HOPX: variants seen among roughly 807,000 people sequenced by gnomAD.
The protein encoded by HOPX is HOP homeobox.
Under a neutral mutation model 11.8 loss-of-function variants are expected in HOPX, and 5 were observed. The ratio of observed to expected loss-of-function variants is 0.43; its 90% CI spans 0.22 to 0.89. HOPX has a LOEUF of 0.89. HOPX is among the 40% of genes least tolerant of loss of function. HOPX has a pLI of 0.28. For synonymous variants in HOPX, 49 were observed against 49.7 expected, an observed-to-expected ratio of 0.99 and a Z score of 0.06; for missense variants, 119 against 120.0, an observed-to-expected ratio of 0.99 and a Z score of 0.04.
In HOPX at chr4:56,676,913, C is replaced by T. The variant is rs1057488815; in HGVS notation, c.-84+4342G>A. ...GAACTGCCACAATCTGGTTTTCAAACTGGGCAAAAGTGCCCGAATGGGCCC... is the reference window on the plus strand; with the variant it reads ...GAACTGCCACAATCTGGTTTTCAAATTGGGCAAAAGTGCCCGAATGGGCCC... On this transcript the variant is annotated intron_variant, in intron 1 of 3. Transcript: ENST00000420433. Among the ~76,000 whole-genome samples the T allele has an allele frequency of 1.6e-4, 24 of 150,902 alleles. 2 individuals are homozygous for T. Among genetic ancestry groups the T allele is most frequent in the African/African-American group, 5.9e-4 (24 of 40,732 alleles).
intron 1 of HOPX, among the ~76,000 whole-genome samples, chr4:56,670,722 C>T (rs1291822337): frequency 1.3e-5 from 2 of 152,098 alleles, no homozygotes; most frequent in East Asian, 1.9e-4. Context: ...ACAGGCCGGG[C>T]GTAGTGGCTC....
intron 3 of HOPX, among the ~76,000 whole-genome samples, chr4:56,651,651 C>T (rs1717177393): frequency 6.6e-6 from 1 of 152,094 alleles, no homozygotes; most frequent in African/African-American, 2.4e-5. Context: ...TTGTTCCTGT[C>T]CTTTTCTCTA....
At chr4:56,651,716 C>T (rs1035440919) in intron 3 of HOPX, among the ~76,000 whole-genome samples, 2 of 151,976 alleles carry the variant, frequency 1.3e-5, no homozygotes, top group South Asian at 2.1e-4. Flanking sequence ...TTTATTCCAC[C>T]GATAAAACAT....
chr4:56,668,217 C>T (rs1014730927), intron 1 of HOPX, among the ~76,000 whole-genome samples: 2 of 152,168 alleles, frequency 1.3e-5, no homozygotes, highest in African/African-American at 2.4e-5. Flanking sequence ...TAAGCCACCA[C>T]ACGCGGCCAA....
Position 56,648,655 on chromosome 4 carries a change from G to A in HOPX, c.*65C>T. The A allele has an allele frequency of 8.1e-7, 1 of 1,232,020 alleles. No individual in the cohort carries two copies. Among genetic ancestry groups the A allele is most frequent in the South Asian group, 1.3e-5 (1 of 76,818 alleles). The allele number at this position is 1,232,020 out of a possible 1,614,324, so 76.3% of individuals were successfully genotyped here. A position where few individuals can be genotyped will look rare whatever the true frequency, so the allele number is the denominator to read the frequency against. On this transcript the variant is annotated 3_prime_UTR_variant, in exon 4 of 4. Coordinates refer to ENST00000420433, the MANE Select transcript of HOPX (RefSeq NM_032495.6). ...TATGCTGAAAAACCACAACAGCTTG[G>A]TTAAGCGGAGGAGAGAAACAGAGAT...
chr4:56,667,152 A>G (rs975409119), intron 1 of HOPX, among the ~76,000 whole-genome samples: 18 of 152,190 alleles, frequency 1.2e-4, no homozygotes, highest in African/African-American at 4.1e-4. Flanking sequence ...CTCAGTGAAT[A>G]TCTATTAAAT....
In HOPX at chr4:56,648,571, GA is replaced by G. The variant is rs1292219223; in HGVS notation, c.*148del. ...TTTCTTTTCTAATTATGTACATTTAGAAAAAAAATACAACACTGTGTTAAAC... is the reference window on the plus strand; with the variant it reads ...TTTCTTTTCTAATTATGTACATTTAGAAAAAAATACAACACTGTGTTAAAC... On this transcript the variant is annotated 3_prime_UTR_variant, in exon 4 of 4. Coordinates refer to ENST00000420433, the MANE Select transcript of HOPX (RefSeq NM_032495.6). 17 of 504,690 alleles carry G rather than the reference GA, an allele frequency of 3.4e-5. No homozygotes were observed. In the South Asian group the frequency reaches 5.0e-4, roughly 15 times the overall value. The allele number at this position is 504,690 out of a possible 1,614,324, so 31.3% of individuals were successfully genotyped here.
At chr4:56,650,530 C>T (rs918185097) in intron 3 of HOPX, 1 of 718,432 alleles carries the variant, frequency 1.4e-6, no homozygotes, top group South Asian at 1.9e-5. Context: ...GGCTGTTGAG[C>T]TTGAATGGGG....
At chr4:56,657,322 GGTTT>G (rs1717816064) in intron 2 of HOPX, among the ~76,000 whole-genome samples, 1 of 152,234 alleles carries the variant, frequency 6.6e-6, no homozygotes, top group Admixed American at 6.5e-5. Context: ...GAATCACGTT[GGTTT>G]GTTGTTTTAA....
chr4:56,652,915 C>T (rs1458341331), intron 3 of HOPX, among the ~76,000 whole-genome samples: 1 of 152,130 alleles, frequency 6.6e-6, no homozygotes, highest in African/African-American at 2.4e-5. Flanking sequence ...TCCTAGCCTC[C>T]ATGGAGTTAT....
chr4:56,655,907 T>C lies in HOPX; in HGVS notation c.148A>G (p.Thr50Ala), dbSNP rs1717654542. 9 of 1,612,070 alleles carry C rather than the reference T, an allele frequency of 5.6e-6. No homozygotes were observed. The Admixed American group carries it at 8.4e-5, about 15-fold the overall frequency. ...NKVDKHPDST[T>A]LCLIAAEAGL... is the part of the protein sequence containing the mutation. ...GCCTCGGCCGCGATGAGGCACAGCG[T>C]GGTGGAATCCGGGTGCTTGTCGACC... The change falls in exon 3 of 4, where the codon ACG (threonine) becomes GCG (alanine). Residue 50 changes from threonine to alanine, a missense_variant. By Grantham distance (58) the Thr-to-Ala change is moderately conservative (BLOSUM62 0). Coordinates refer to ENST00000420433, the MANE Select transcript of HOPX (RefSeq NM_032495.6).
At chr4:56,656,211 G>T in intron 2 of HOPX, 199 bp from the exon 3 acceptor site, 2 of 1,132,028 alleles carry the variant, frequency 1.8e-6, no homozygotes, top group South Asian at 3.3e-5. Flanking sequence ...TCCCTCCCTG[G>T]ACTGAGCGCT....
chr4:56,653,794 T>G (rs1421022164), intron 3 of HOPX, among the ~76,000 whole-genome samples: 1 of 152,118 alleles, frequency 6.6e-6, no homozygotes, highest in Non-Finnish European at 1.5e-5. Context: ...AGGGGGGAAA[T>G]GGGAGGACTG....
intron 3 of HOPX, 135 bp downstream of exon 3, chr4:56,655,722 G>T: frequency 1.9e-6 from 2 of 1,052,842 alleles, no homozygotes; most frequent in South Asian, 3.0e-5. Context: ...TGGGCCCCTG[G>T]GATGCGGGCA....
At chr4:56,649,295 A>C (rs1421367916) in intron 3 of HOPX, 6 of 152,504 alleles carry the variant, frequency 3.9e-5, no homozygotes, top group African/African-American at 1.4e-4. Context: ...AAGGTTTAAG[A>C]GTTAGAAATT....
At chr4:56,670,642 C>T (rs1718682326) in intron 1 of HOPX, among the ~76,000 whole-genome samples, 2 of 152,114 alleles carry the variant, frequency 1.3e-5, no homozygotes, top group South Asian at 2.1e-4. Flanking sequence ...ATTTGTTGCA[C>T]GGAAGAGGAA....
chr4:56,669,014 G>A (rs183367352), intron 1 of HOPX, among the ~76,000 whole-genome samples: 1 of 152,284 alleles, frequency 6.6e-6, no homozygotes, highest in East Asian at 1.9e-4. Context: ...CACTTTTCTA[G>A]TGTAAAACGG....
chr4:56,680,662 T>C (rs538453863), intron 1 of HOPX: 9 of 151,552 alleles, frequency 5.9e-5, no homozygotes, highest in Admixed American at 5.9e-4. Context: ...ACCTATACTT[T>C]CTCTAAACCC....
chr4:56,666,394 C>G (rs941067891), intron 1 of HOPX, among the ~76,000 whole-genome samples: 1 of 152,184 alleles, frequency 6.6e-6, no homozygotes, highest in Admixed American at 6.5e-5. Context: ...GTTGTTGAAA[C>G]AAGTCTCTCA....
Sources: allele counts gnomAD v4.1 joint callset (sites outside exome capture counted in the v4.1 genomes callset), GRCh38; gene constraint gnomAD v4.1.1; transcripts MANE v1.5; gene names NCBI Gene and HGNC (gene_info 2026-07-23, HGNC 2026-07-21).